OAS2: variants seen among roughly 807,000 people sequenced by gnomAD.
The protein encoded by OAS2 is 2'-5'-oligoadenylate synthase 2.
OAS2 carries 67 observed loss-of-function variants against 71.3 expected under a neutral mutation model. The ratio of observed to expected loss-of-function variants is 0.94; its 90% CI spans 0.77 to 1.15. The LOEUF (loss-of-function observed/expected upper bound fraction) is 1.15. Ranked by LOEUF, OAS2 falls within the 50% of genes most tolerant of loss-of-function variation. The pLI, the probability that OAS2 is intolerant of heterozygous loss-of-function variation, is 0.00. For synonymous variants in OAS2, 327 were observed against 321.8 expected (o/e 1.02, Z -0.17); for missense variants, 789 against 822.5 (o/e 0.96, Z 0.50).
chr12:113,010,064 A>T lies in OAS2; in HGVS notation c.*809A>T. On this transcript the variant is annotated 3_prime_UTR_variant, in exon 10 of 10. Coordinates refer to ENST00000392583, the MANE Select transcript of OAS2 (RefSeq NM_002535.3). Reference sequence around the variant, plus strand: ...AGCATCTCTGGCCTGTACCCAGTAGATGCCACCCAGTTGTGACAATTAAAA... The same window carrying T: ...AGCATCTCTGGCCTGTACCCAGTAGTTGCCACCCAGTTGTGACAATTAAAA... The T allele has an allele frequency of 9.6e-7, 1 of 1,038,428 alleles. No homozygotes were observed. Among genetic ancestry groups the T allele is most frequent in the Non-Finnish European group, 1.2e-6 (1 of 861,410 alleles). 64.3% of individuals were successfully genotyped at this position (1,038,428 alleles called of 1,614,324 possible). A position where few individuals can be genotyped will look rare whatever the true frequency, so the allele number is the denominator to read the frequency against.
intron 9 of OAS2, 121 bp downstream of exon 9, chr12:113,008,064 G>A: frequency 1.3e-6 from 1 of 755,328 alleles, no homozygotes; most frequent in South Asian, 1.6e-5. Context: ...GAAAGTGCTA[G>A]CCAACAGAAC....
chr12:113,007,559 T>C, intron 8 of OAS2, 146 bp from the exon 9 acceptor site: 1 of 706,530 alleles, frequency 1.4e-6, no homozygotes, highest in South Asian at 1.7e-5. Flanking sequence ...TGGACTCCTG[T>C]AGGCTGTACA....
chr12:113,004,892 G>A lies in OAS2; in HGVS notation c.1180-42G>A, dbSNP rs368858367. 9.4e-6 allele frequency: 15 copies of A among 1,603,188 alleles called. No homozygotes were observed. The African/African-American group carries it at 9.4e-5, about 10-fold the overall frequency. ...AGCCCACGGGGGCACGGGACTCCTC[G>A]GTTAAGGAAATTCTGGATCTCAACC... On this transcript the variant is annotated intron_variant, in intron 6 of 9. Transcript: ENST00000392583.
At chr12:112,979,688 C>A (rs561088214) in intron 1 of OAS2, among the ~76,000 whole-genome samples, 200 of 152,218 alleles carry the variant, frequency 1.3e-3, no homozygotes, top group Non-Finnish European at 2.5e-3. Context: ...TAGGTAGCCA[C>A]AAACAATGTA....
intron 8 of OAS2, among the ~76,000 whole-genome samples, chr12:113,007,115 G>A (rs1490249947): frequency 1.3e-5 from 2 of 152,168 alleles, no homozygotes; most frequent in Non-Finnish European, 2.9e-5. Context: ...AGCATCCCTA[G>A]TCTCTACCCA....
chr12:113,009,539 T>G lies in OAS2; in HGVS notation c.*284T>G. The G allele has an allele frequency of 9.1e-7, 1 of 1,094,620 alleles. No homozygotes were observed. Among genetic ancestry groups the G allele is most frequent in the East Asian group, 6.1e-5 (1 of 16,336 alleles). 67.8% of individuals were successfully genotyped at this position (1,094,620 alleles called of 1,614,324 possible). ...AAAAGTCTTCAGACATTGTCAAACG[T>G]TCCCCTGGGTTCACAGATCTTTCTG... On this transcript the variant is annotated 3_prime_UTR_variant, in exon 10 of 10. Transcript: ENST00000392583.
chr12:112,992,429 G>A (rs1426823375), intron 2 of OAS2, among the ~76,000 whole-genome samples: 2 of 151,412 alleles, frequency 1.3e-5, no homozygotes, highest in South Asian at 4.2e-4. Flanking sequence ...GAAAAGGGGA[G>A]GGGAGGGGAA....
At chr12:112,989,203 G>A (rs1409631794) in intron 2 of OAS2, among the ~76,000 whole-genome samples, 2 of 152,116 alleles carry the variant, frequency 1.3e-5, no homozygotes, top group Non-Finnish European at 2.9e-5. Context: ...GAGATCTGAT[G>A]GTGTCATAAA....
chr12:113,005,212 T>C lies in OAS2; in HGVS notation c.1458T>C (p.Phe486=). The change falls in exon 7 of 10, where the codon TTT becomes TTC. Residue 486 remains phenylalanine (F), a synonymous_variant. Transcript: ENST00000392583. Reference sequence around the variant, plus strand: ...TCAGCTTTGATGTGCTTCCTGCCTTTAATGCACTGGGTAAGGCTCCCCAGA... The same window carrying C: ...TCAGCTTTGATGTGCTTCCTGCCTTCAATGCACTGGGTAAGGCTCCCCAGA... ...ESVSFDVLPA[F]NALGQLSSGS... 2 of 1,613,496 alleles carry C rather than the reference T, an allele frequency of 1.2e-6. No individual in the cohort carries two copies. Among genetic ancestry groups the C allele is most frequent in the Non-Finnish European group, 1.7e-6 (2 of 1,179,622 alleles).
At position 113,009,140 on chromosome 12, in the gene OAS2, G is replaced by A. The variant is rs776538071; in HGVS notation, c.1949G>A (p.Arg650His). ...EPTGDVGGGDRWCWHLLAKEA... is the reference protein window; with the variant it reads ...EPTGDVGGGDHWCWHLLAKEA... The stretch of plus-strand genomic sequence containing the variant: ...ACAGGTGACGTGGGTGGAGGGGACC[G>A]TTGGTGTTGGCATCTTCTGGCAAAA... Residue 650 changes from arginine (R) to histidine (H), a missense_variant, in exon 10 of 10, where the codon CGT (arginine) becomes CAT (histidine). Physicochemically the swap from Arg to His is conservative, Grantham distance 29. Coordinates refer to ENST00000392583, the MANE Select transcript of OAS2 (RefSeq NM_002535.3). 6.8e-6 allele frequency: 11 copies of A among 1,613,894 alleles called. No homozygotes were observed. Among genetic ancestry groups the A allele is most frequent in the African/African-American group, 1.3e-5 (1 of 74,900 alleles).
intron 4 of OAS2, 147 bp downstream of exon 4, chr12:112,997,902 TG>T: frequency 1.5e-6 from 1 of 677,538 alleles, no homozygotes; most frequent in South Asian, 2.0e-5. Context: ...CAGATGGGTC[TG>T]TCTGAAAGAG....
chr12:112,994,952 CCAACACAAA>C (rs1341976681), intron 2 of OAS2, among the ~76,000 whole-genome samples: 2 of 152,142 alleles, frequency 1.3e-5, no homozygotes, highest in Non-Finnish European at 2.9e-5. Context: ...GCTAACTATG[CCAACACAAA>C]CAATTTTTTA....
chr12:113,008,014 T>G, intron 9 of OAS2, 71 bp downstream of exon 9: 2 of 1,111,356 alleles, frequency 1.8e-6, no homozygotes, highest in South Asian at 1.3e-5. Flanking sequence ...ACCTGGATTT[T>G]CCTCTGCTGG....
At chr12:112,991,260 G>A (rs754762573) in intron 2 of OAS2, among the ~76,000 whole-genome samples, 12 of 152,352 alleles carry the variant, frequency 7.9e-5, no homozygotes, top group Non-Finnish European at 1.3e-4. Context: ...GTCTGGGTTA[G>A]ATCCACTTTC....
At chr12:112,999,720 C>A (rs1450590190) in intron 5 of OAS2, among the ~76,000 whole-genome samples, 1 of 152,170 alleles carries the variant, frequency 6.6e-6, no homozygotes, top group African/African-American at 2.4e-5. Flanking sequence ...CTTCTTCAGA[C>A]AGATTTTTTC....
chr12:113,005,487 T>C (rs1297063489), intron 7 of OAS2, among the ~76,000 whole-genome samples: 1 of 151,318 alleles, frequency 6.6e-6, no homozygotes, highest in Non-Finnish European at 1.5e-5. Context: ...GAGGTGGAGG[T>C]TGCAGTGCGA....
chr12:112,986,414 C>A (rs2044136021), intron 1 of OAS2, among the ~76,000 whole-genome samples: 1 of 152,130 alleles, frequency 6.6e-6, no homozygotes, highest in African/African-American at 2.4e-5. Flanking sequence ...AGCAGCAGGC[C>A]AACCCTCAGG....
At chr12:112,992,251 T>G (rs2044198745) in intron 2 of OAS2, among the ~76,000 whole-genome samples, 1 of 151,878 alleles carries the variant, frequency 6.6e-6, no homozygotes. Context: ...AAAAATTAGA[T>G]GTGGTGGCAT....
intron 1 of OAS2, among the ~76,000 whole-genome samples, chr12:112,986,128 C>T (rs949009501): frequency 2.6e-5 from 4 of 152,214 alleles, no homozygotes; most frequent in African/African-American, 9.7e-5. Context: ...GTGAGCTCCT[C>T]AGTGGCTGAC....
Sources: allele counts gnomAD v4.1 joint callset (sites outside exome capture counted in the v4.1 genomes callset), GRCh38; gene constraint gnomAD v4.1.1; transcripts MANE v1.5; gene names NCBI Gene and HGNC (gene_info 2026-07-23, HGNC 2026-07-21).